The following MARCHF1 variants were observed in gnomAD, a reference collection of about 807,000 sequenced individuals.
The protein encoded by MARCHF1 is membrane associated ring-CH-type finger 1.
Under a neutral mutation model 54.2 loss-of-function variants are expected in MARCHF1, and 40 were observed. The observed-to-expected ratio is 0.74, with a 90% confidence interval of 0.57 to 0.96. The LOEUF (loss-of-function observed/expected upper bound fraction) is 0.96, where lower values mean the gene tolerates loss of function less well. Among genes scored for constraint, MARCHF1 ranks in the 40% least tolerant of loss-of-function variants. The pLI is 0.00. For missense variants in MARCHF1, 586 were observed against 656.5 expected (o/e 0.89, Z 1.17); for synonymous variants, 236 against 236.3 (o/e 1.00, Z 0.01).
At chr4:163,558,622 C>A (rs1218103531) in intron 8 of MARCHF1, among the ~76,000 whole-genome samples, 2 of 152,216 alleles carry the variant, frequency 1.3e-5, no homozygotes, top group African/African-American at 4.8e-5. Flanking sequence ...CGATGAGCTG[C>A]AGGCACTTGC....
At chr4:164,302,260 T>A (rs550785632) in intron 1 of MARCHF1, among the ~76,000 whole-genome samples, 7 of 152,186 alleles carry the variant, frequency 4.6e-5, no homozygotes, top group Admixed American at 6.5e-5. Flanking sequence ...AACATTGGGC[T>A]TCTTATGGGC....
intron 3 of MARCHF1, among the ~76,000 whole-genome samples, chr4:163,876,919 G>C (rs1750301922): frequency 2.0e-5 from 3 of 152,064 alleles, no homozygotes; most frequent in Non-Finnish European, 2.9e-5. Flanking sequence ...AAAATGTTAA[G>C]CTAATAATAA....
chr4:164,283,123 T>C (rs1734066315), intron 1 of MARCHF1, among the ~76,000 whole-genome samples: 1 of 151,180 alleles, frequency 6.6e-6, no homozygotes, highest in Non-Finnish European at 1.5e-5. Context: ...CAATCCTTAC[T>C]ACATCCCCAC....
intron 2 of MARCHF1, among the ~76,000 whole-genome samples, chr4:163,993,822 T>C (rs1753012013): frequency 6.6e-6 from 1 of 152,136 alleles, no homozygotes; most frequent in African/African-American, 2.4e-5. Flanking sequence ...GTAATCAAAA[T>C]ATCTAAGGAA....
At chr4:163,642,194 G>T (rs1466042141) in intron 5 of MARCHF1, among the ~76,000 whole-genome samples, 1 of 152,142 alleles carries the variant, frequency 6.6e-6, no homozygotes, top group Non-Finnish European at 1.5e-5. Flanking sequence ...CAGTGATTGG[G>T]CTTATTTTTG....
At chr4:163,600,389 G>A (rs1255469315) in intron 7 of MARCHF1, among the ~76,000 whole-genome samples, 1 of 152,038 alleles carries the variant, frequency 6.6e-6, no homozygotes, top group African/African-American at 2.4e-5. Context: ...ATGGAATCCT[G>A]GCAGCATTAA....
At chr4:164,061,326 T>C (rs909397529) in intron 2 of MARCHF1, among the ~76,000 whole-genome samples, 11 of 151,994 alleles carry the variant, frequency 7.2e-5, no homozygotes, top group African/African-American at 2.7e-4. Flanking sequence ...ATTATTTTTG[T>C]CTTTCATCAA....
At chr4:164,150,584 T>C (rs895456785) in intron 1 of MARCHF1, among the ~76,000 whole-genome samples, 1 of 152,194 alleles carries the variant, frequency 6.6e-6, no homozygotes, top group Admixed American at 6.5e-5. Context: ...AGCTTGGCTC[T>C]GCTCTGGGTA....
chr4:164,360,044 G>A (rs1476825865), intron 1 of MARCHF1, among the ~76,000 whole-genome samples: 2 of 151,910 alleles, frequency 1.3e-5, no homozygotes, highest in East Asian at 3.9e-4. Flanking sequence ...ATCAGTATGC[G>A]GGCAGGTATT....
At chr4:164,250,806 T>C (rs1179393921) in intron 1 of MARCHF1, among the ~76,000 whole-genome samples, 3 of 152,082 alleles carry the variant, frequency 2.0e-5, no homozygotes, top group African/African-American at 4.8e-5. Context: ...AAAAATATAA[T>C]GGAAAATGGA....
At chr4:163,701,835 TTTG>T (rs989691223) in intron 4 of MARCHF1, among the ~76,000 whole-genome samples, 2 of 120,178 alleles carry the variant, frequency 1.7e-5, no homozygotes, top group African/African-American at 5.8e-5. Context: ...AAGAATTCCT[TTTG>T]TTTTTTTTTT....
intron 4 of MARCHF1, among the ~76,000 whole-genome samples, chr4:163,768,271 C>A (rs1579271087): frequency 6.6e-6 from 1 of 152,254 alleles, no homozygotes; most frequent in South Asian, 2.1e-4. Context: ...AATTTTTCAA[C>A]TGACACATAT....
chr4:164,092,660 T>A (rs1755329635), intron 2 of MARCHF1, among the ~76,000 whole-genome samples: 1 of 152,154 alleles, frequency 6.6e-6, no homozygotes. Context: ...TCAGAGTTCT[T>A]CATTTCCAAG....
chr4:163,586,535 T>C lies in MARCHF1; in HGVS notation c.1011-606A>G, dbSNP rs189132894. ...CTATATTAATTGACTTTTACTTTTA[T>C]GGTCATTGCTGGACTCAAATCATGT... On this transcript the variant is annotated intron_variant, in intron 7 of 9. Coordinates refer to ENST00000514618, the MANE Select transcript of MARCHF1 (RefSeq NM_001394959.1). Among the ~76,000 whole-genome samples, 574 of 152,354 alleles carry C rather than the reference T, an allele frequency of 3.8e-3. 1 individual carries two copies. The highest frequency in any genetic ancestry group is 6.3e-3 in the Non-Finnish European group (430 of 68,034).
chr4:163,579,675 C>T (rs1281391241), intron 8 of MARCHF1, among the ~76,000 whole-genome samples: 4 of 113,072 alleles, frequency 3.5e-5, no homozygotes, highest in East Asian at 2.8e-4. Context: ...AATAATAGAA[C>T]GGAATGAATA....
chr4:163,741,870 T>A (rs975625438), intron 4 of MARCHF1, among the ~76,000 whole-genome samples: 2 of 152,360 alleles, frequency 1.3e-5, no homozygotes, highest in South Asian at 4.1e-4. Context: ...TTTCTAATTA[T>A]TTCTAACACA....
At chr4:164,016,794 A>G (rs1227401412) in intron 2 of MARCHF1, among the ~76,000 whole-genome samples, 6 of 152,142 alleles carry the variant, frequency 3.9e-5, no homozygotes, top group Non-Finnish European at 8.8e-5. Context: ...ATATTTCAAA[A>G]TAAAAGAGCG....
chr4:164,238,127 G>A (rs1475084225), intron 1 of MARCHF1, among the ~76,000 whole-genome samples: 2 of 152,010 alleles, frequency 1.3e-5, no homozygotes, highest in Non-Finnish European at 2.9e-5. Flanking sequence ...TTTAAATTAT[G>A]TAAACACTGG....
At chr4:164,299,636 C>T (rs1734498946) in intron 1 of MARCHF1, among the ~76,000 whole-genome samples, 1 of 152,130 alleles carries the variant, frequency 6.6e-6, no homozygotes, top group South Asian at 2.1e-4. Flanking sequence ...TAGAGTTATT[C>T]CATTTGGTGA....
Sources: allele counts gnomAD v4.1 joint callset (sites outside exome capture counted in the v4.1 genomes callset), GRCh38; gene constraint gnomAD v4.1.1; transcripts MANE v1.5; gene names NCBI Gene and HGNC (gene_info 2026-07-23, HGNC 2026-07-21).